Variants in MAG observed in about 807,000 individuals in gnomAD.
MAG encodes the protein myelin associated glycoprotein, also known as myelin-associated glycoprotein.
Under a neutral mutation model 60.7 loss-of-function variants are expected in MAG, and 30 were observed. The ratio of observed to expected loss-of-function variants is 0.49; its 90% confidence interval spans 0.37 to 0.67. The LOEUF is 0.67. Ranked by LOEUF, MAG falls within the 30% of genes least tolerant of loss-of-function variation. The pLI is 0.00. For synonymous variants in MAG, 384 were observed against 376.8 expected (o/e 1.02, Z -0.22); for missense variants, 795 against 851.7 (o/e 0.93, Z 0.83).
intron 10 of MAG, chr19:35,312,449 G>A: frequency 1.2e-6 from 1 of 858,776 alleles, no homozygotes; most frequent in Non-Finnish European, 1.9e-6. Context: ...GGCCTGCCCG[G>A]CAGTGCTGGC....
chr19:35,296,345 T>C (rs2066398063), intron 4 of MAG, among the ~76,000 whole-genome samples: 1 of 152,102 alleles, frequency 6.6e-6, no homozygotes, highest in African/African-American at 2.4e-5. Flanking sequence ...TTCTTTTCCG[T>C]AAAATGGGGA....
At chr19:35,299,520 C>A in intron 4 of MAG, 34 bp from the exon 5 acceptor site, 1 of 1,499,748 alleles carries the variant, frequency 6.7e-7, no homozygotes, top group South Asian at 1.3e-5. Context: ...CCCAGTGCTG[C>A]TTTCTCAGCC....
rs978455925 is a variant in MAG at position 35,300,170 on chromosome 19, A to G, written c.736A>G (p.Asn246Asp). 5.8e-6 allele frequency: 9 copies of G among 1,546,446 alleles called. No individual in the cohort carries two copies. In the African/African-American group the frequency reaches 9.6e-5, roughly 16 times the overall value. ...VKYPPVIVEM[N>D]SSVEAIEGSH... Reference sequence around the variant, plus strand: ...AGACCCCCCGGTGATTGTGGAGATGAACTCCTCGGTGGAGGCCATCGAGGG... The same window carrying G: ...AGACCCCCCGGTGATTGTGGAGATGGACTCCTCGGTGGAGGCCATCGAGGG... Residue 246 changes from asparagine (N) to aspartate (D), a missense_variant, in exon 6 of 11, where the codon AAC becomes GAC. Asn to Asp is a conservative substitution (Grantham distance 23). Coordinates refer to ENST00000392213, the MANE Select transcript of MAG (RefSeq NM_002361.4).
intron 10 of MAG, chr19:35,312,550 G>A (rs1459995697): frequency 1.9e-6 from 1 of 527,340 alleles, no homozygotes; most frequent in Non-Finnish European, 3.4e-6. Flanking sequence ...GGAGGGAGGG[G>A]TGGGAAGCGT....
At chr19:35,300,805 A>G (rs1331497376) in intron 6 of MAG, among the ~76,000 whole-genome samples, 1 of 152,100 alleles carries the variant, frequency 6.6e-6, no homozygotes, top group Admixed American at 6.5e-5. Flanking sequence ...TGATAGCACC[A>G]CTTGCCCTCA....
rs1555765521 is a variant in MAG, at chr19:35,311,986, T to G, written c.1685T>G (p.Phe562Cys). 6.2e-7 allele frequency: 1 copy of G among 1,613,196 alleles called. No homozygotes were observed. The highest frequency in any genetic ancestry group is 1.1e-5 in the South Asian group (1 of 90,890). ...CCTCCCGTCCTGTTCAGCAGCGACT[T>G]CCGCATCTCTGGGGCACCAGAGAAG... is the stretch of plus-strand genomic sequence containing the variant. ...DNPPVLFSSD[F>C]RISGAPEKYE... Residue 562 changes from phenylalanine (F) to cysteine (C), a missense_variant, in exon 10 of 11, where the codon TTC (phenylalanine) becomes TGC (cysteine). Physicochemically the swap from Phe to Cys is radical, Grantham distance 205. Coordinates refer to ENST00000392213, the MANE Select transcript of MAG (RefSeq NM_002361.4).
At chr19:35,300,100 G>A in intron 5 of MAG, 47 bp from the exon 6 acceptor site, 4 of 1,490,878 alleles carry the variant, frequency 2.7e-6, no homozygotes, top group Non-Finnish European at 3.6e-6. Flanking sequence ...GCACTGGGCC[G>A]GTTCCCCAGC....
chr19:35,302,364 C>G, intron 6 of MAG, 84 bp from the exon 7 acceptor site: 1 of 1,539,456 alleles, frequency 6.5e-7, no homozygotes, highest in Non-Finnish European at 8.8e-7. Context: ...GGGGTGGGAT[C>G]TGGGGTCATA....
intron 1 of MAG, among the ~76,000 whole-genome samples, chr19:35,292,870 G>C (rs569940782): frequency 6.6e-6 from 1 of 152,118 alleles, no homozygotes; most frequent in South Asian, 2.1e-4. Context: ...AAAGTGCTGG[G>C]TTTACAGGCG....
intron 7 of MAG, among the ~76,000 whole-genome samples, chr19:35,309,360 T>G (rs1189226356): frequency 1.3e-5 from 2 of 152,160 alleles, no homozygotes; most frequent in East Asian, 3.9e-4. Flanking sequence ...GACACGTCCG[T>G]GAGGGTCAGG....
chr19:35,299,084 C>T (rs1175037277), intron 4 of MAG, among the ~76,000 whole-genome samples: 2 of 152,206 alleles, frequency 1.3e-5, no homozygotes, highest in East Asian at 1.9e-4. Flanking sequence ...CACACACACT[C>T]ACATGCCCGG....
rs542780574 is a variant in MAG at position 35,293,829 on chromosome 19, C to T, written c.-79-406C>T. Among the ~76,000 whole-genome samples, 4 of 152,070 alleles carry T rather than the reference C, an allele frequency of 2.6e-5. No homozygotes were observed. The highest frequency in any genetic ancestry group is 2.1e-4 in the South Asian group (1 of 4,826). On this transcript the variant is annotated intron_variant, in intron 1 of 10. Coordinates refer to ENST00000392213, the MANE Select transcript of MAG (RefSeq NM_002361.4). This position sits in a 1 kb window ranked among gnomAD's most constrained non-coding sequence, Gnocchi z 4.0. ...TGGTGAGGGTGCGGACACCAGGGGCCGTCTGTGGGGTGGGAGAGGGCGGCA... is the reference window on the plus strand; with the variant it reads ...TGGTGAGGGTGCGGACACCAGGGGCTGTCTGTGGGGTGGGAGAGGGCGGCA...
rs559444157 is a variant in MAG, at chr19:35,293,207, G to T, written c.-80+1003G>T. 2.0e-5 allele frequency among the ~76,000 whole-genome samples: 3 copies of T among 151,790 alleles called. No homozygotes were observed. The highest frequency in any genetic ancestry group is 7.3e-5 in the African/African-American group (3 of 41,172). Reference sequence around the variant, plus strand: ...CATCGGCGCGTGTCTGAGTGGACGCGTCTATAGCCATCCTCAGTGTGTGTG... The same window carrying T: ...CATCGGCGCGTGTCTGAGTGGACGCTTCTATAGCCATCCTCAGTGTGTGTG... On this transcript the variant is annotated intron_variant, in intron 1 of 10. Transcript: ENST00000392213. This position sits in a 1 kb window ranked among gnomAD's most constrained non-coding sequence, Gnocchi z 4.0.
chr19:35,297,668 A>G (rs1270227470), intron 4 of MAG, among the ~76,000 whole-genome samples: 1 of 148,794 alleles, frequency 6.7e-6, no homozygotes, highest in African/African-American at 2.5e-5. Context: ...TACACACACC[A>G]CACACATACA....
Position 35,295,460 on chromosome 19 carries a change from G to C in MAG, c.46+6G>C. 6.2e-7 allele frequency: 1 copy of C among 1,614,018 alleles called. No individual in the cohort carries two copies. The highest frequency in any genetic ancestry group is 8.5e-7 in the Non-Finnish European group (1 of 1,180,000). ...GTTCTGGATTATGATTTCAGGTAAC[G>C]GCTGACAGGTGCTGGGGACCTAAAG... On this transcript the variant is annotated splice_donor_region_variant and intron_variant, in intron 3 of 10. Coordinates refer to ENST00000392213, the MANE Select transcript of MAG (RefSeq NM_002361.4). This position sits in a 1 kb window ranked among gnomAD's most constrained non-coding sequence, Gnocchi z 5.8.
Position 35,299,746 on chromosome 19 carries a change from A to C in MAG, c.608A>C (p.His203Pro). The change falls in exon 5 of 11, where the codon CAC becomes CCC. Residue 203 changes from histidine (H) to proline (P), a missense_variant. His to Pro is a moderately conservative substitution (Grantham distance 77). Coordinates refer to ENST00000392213, the MANE Select transcript of MAG (RefSeq NM_002361.4). ...ACCTGGGTGCAGGTGTCACTGCTGC[A>C]CTTCGTGCCCACGAGGGAGGCCAAC... ...EGTWVQVSLLHFVPTREANGH... is the reference protein window; with the variant it reads ...EGTWVQVSLLPFVPTREANGH... 1 of 1,558,444 alleles carries C rather than the reference A, an allele frequency of 6.4e-7. No homozygotes were observed. Among genetic ancestry groups the C allele is most frequent in the South Asian group, 1.2e-5 (1 of 85,246 alleles).
chr19:35,295,968 C>T lies in MAG; in HGVS notation c.402C>T (p.Val134=), dbSNP rs1315911953. ...AGTACACCTTCTCAGAGCACAGCGT[C>T]CTGGATATCGTCAGTGAGTCCCCAG... ...YNQYTFSEHS[V]LDIVNTPNIV... The change falls in exon 4 of 11, where the codon GTC becomes GTT. Residue 134 remains valine, a synonymous_variant. Transcript: ENST00000392213. The surrounding 1 kb of genome is among the most constrained non-coding windows in gnomAD (Gnocchi z 5.8). 2 of 1,582,910 alleles carry T rather than the reference C, an allele frequency of 1.3e-6. No individual in the cohort carries two copies. The highest frequency in any genetic ancestry group is 1.7e-6 in the Non-Finnish European group (2 of 1,162,658).
At chr19:35,308,762 C>G (rs1003667564) in intron 7 of MAG, among the ~76,000 whole-genome samples, 1 of 152,152 alleles carries the variant, frequency 6.6e-6, no homozygotes, top group Non-Finnish European at 1.5e-5. Context: ...GGTGAATATT[C>G]GTACTTTTTG....
rs978130778 is a variant in MAG at position 35,295,415 on chromosome 19, T to C, written c.7T>C (p.Phe3Leu). ...CACTCACTCGCTGTACAGAATGATA[T>C]TCCTCACGGCACTGCCTCTGTTCTG... The part of the protein sequence containing the change: MI[F>L]LTALPLFWIM... Residue 3 changes from phenylalanine (F) to leucine (L), a missense_variant, in exon 3 of 11, where the codon TTC (phenylalanine) becomes CTC (leucine). Phe to Leu is a conservative substitution (Grantham distance 22). Transcript: ENST00000392213. The surrounding 1 kb of genome is among the most constrained non-coding windows in gnomAD (Gnocchi z 5.8). 11 of 1,613,936 alleles carry C rather than the reference T, an allele frequency of 6.8e-6. No individual in the cohort carries two copies. The highest frequency in any genetic ancestry group is 1.7e-5 in the Admixed American group (1 of 59,992).
Sources: allele counts gnomAD v4.1 joint callset (sites outside exome capture counted in the v4.1 genomes callset), GRCh38; gene constraint gnomAD v4.1.1; non-coding constraint Gnocchi (gnomAD v3.1); transcripts MANE v1.5; gene names NCBI Gene and HGNC (gene_info 2026-07-23, HGNC 2026-07-21).